The following SCMH1 variants were observed in gnomAD, a reference collection of about 807,000 sequenced individuals.
The protein encoded by SCMH1 is Scm polycomb group protein homolog 1.
In SCMH1, 37 loss-of-function variants were observed where a neutral mutation model predicts 70.8. That is an observed-to-expected ratio of 0.52 (90% CI 0.40 to 0.69). The LOEUF is 0.69. Ranked by LOEUF, SCMH1 falls within the 30% of genes least tolerant of loss-of-function variation. The pLI is 0.00. For synonymous variants in SCMH1, 292 were observed against 307.4 expected (o/e 0.95, Z 0.52); for missense variants, 607 against 827.3 (o/e 0.73, Z 3.27).
chr1:41,188,781 A>G (rs994508684), intron 1 of SCMH1, among the ~76,000 whole-genome samples: 28 of 492 alleles, frequency 0.057, no homozygotes, highest in Non-Finnish European at 0.12. Flanking sequence ...TATCACCTGT[A>G]TAGTAATAAG....
At chr1:41,156,997 C>T (rs1309704965) in intron 4 of SCMH1, among the ~76,000 whole-genome samples, 1 of 147,154 alleles carries the variant, frequency 6.8e-6, no homozygotes, top group Non-Finnish European at 1.5e-5. Context: ...CACTCAGATA[C>T]CCAGGATGGA....
chr1:41,145,035 GGTT>G (rs1185414126), intron 5 of SCMH1, among the ~76,000 whole-genome samples: 1 of 151,864 alleles, frequency 6.6e-6, no homozygotes, highest in East Asian at 1.9e-4. Flanking sequence ...CCATTGTGTG[GGTT>G]GTTCTTTTCA....
intron 13 of SCMH1, 127 bp from the exon 15 acceptor site, chr1:41,028,853 A>G (rs1272716848): frequency 4.0e-6 from 4 of 1,003,362 alleles, no homozygotes; most frequent in Non-Finnish European, 5.8e-6. Context: ...TGAGCTGAGG[A>G]ACTGGAGATA....
intron 10 of SCMH1, among the ~76,000 whole-genome samples, chr1:41,057,100 A>G (rs1380118331): frequency 6.6e-6 from 1 of 151,768 alleles, no homozygotes; most frequent in Non-Finnish European, 1.5e-5. Context: ...ATTCTATCCA[A>G]CCCAAAGAGG....
At chr1:41,106,502 T>C (rs1177020720) in intron 8 of SCMH1, among the ~76,000 whole-genome samples, 1 of 151,806 alleles carries the variant, frequency 6.6e-6, no homozygotes, top group Non-Finnish European at 1.5e-5. Context: ...TTTTTCTTTA[T>C]AAATTACCCA....
intron 8 of SCMH1, among the ~76,000 whole-genome samples, chr1:41,084,798 T>C (rs1192410233): frequency 6.7e-6 from 1 of 150,078 alleles, no homozygotes; most frequent in African/African-American, 2.5e-5. Context: ...TATGCAGCCA[T>C]AAAAAATGAT....
At chr1:41,187,755 G>A (rs191910793) in intron 1 of SCMH1, among the ~76,000 whole-genome samples, 1 of 151,334 alleles carries the variant, frequency 6.6e-6, no homozygotes, top group East Asian at 1.9e-4. Context: ...GGACAACACA[G>A]TGAGACCCCC....
intron 2 of SCMH1, among the ~76,000 whole-genome samples, chr1:41,177,597 A>G (rs1647334553): frequency 6.6e-6 from 1 of 152,272 alleles, no homozygotes; most frequent in South Asian, 2.1e-4. Context: ...CGAATGCACA[A>G]GCCTCAGTAG....
chr1:41,052,981 G>A (rs745941493), intron 10 of SCMH1, among the ~76,000 whole-genome samples: 8 of 150,330 alleles, frequency 5.3e-5, no homozygotes, highest in East Asian at 2.0e-4. Context: ...GCAGTGGTGC[G>A]GTCTTGGCTC....
At chr1:41,207,868 C>T (rs1291318021) in intron 1 of SCMH1, among the ~76,000 whole-genome samples, 11 of 150,736 alleles carry the variant, frequency 7.3e-5, no homozygotes, top group East Asian at 2.0e-4. Context: ...GTCAGTGTGG[C>T]GATTCCTCAG....
intron 1 of SCMH1, among the ~76,000 whole-genome samples, chr1:41,214,810 AT>A (rs1373676813): frequency 6.6e-6 from 1 of 152,134 alleles, no homozygotes; most frequent in African/African-American, 2.4e-5. Context: ...CTTTAGTTAT[AT>A]TATTTTTTGA....
Position 41,170,978 on chromosome 1 carries a change from CAGA to C in SCMH1, c.14-9549_14-9547del, listed in dbSNP as rs142203458. 4.7e-3 allele frequency among the ~76,000 whole-genome samples: 716 copies of C among 152,340 alleles called. 8 individuals carry two copies. Among genetic ancestry groups the C allele is most frequent in the African/African-American group, 0.016 (683 of 41,580 alleles). ...TATTAAAAACTTAACATGACTAAAA[CAGA>C]AGGCCATCCTCTGTCATCTTGTTAC... On this transcript the variant is annotated intron_variant, in intron 2 of 14. Transcript: ENST00000337495.
Position 41,127,406 on chromosome 1 carries a change from C to T in SCMH1, c.413-10396G>A, listed in dbSNP as rs555977694. Among the ~76,000 whole-genome samples the T allele has an allele frequency of 2.6e-5, 4 of 152,104 alleles. No homozygotes were observed. In the East Asian group the frequency reaches 7.7e-4, roughly 29 times the overall value. ...TTGAATCATATTTAAAAAGGCTTTC[C>T]CCACCCCAAGTTTATAAAGGAATTT... On this transcript the variant is annotated intron_variant, in intron 6 of 14. Coordinates refer to ENST00000337495, the Ensembl canonical transcript of SCMH1.
intron 6 of SCMH1, among the ~76,000 whole-genome samples, chr1:41,130,154 C>T (rs911365411): frequency 3.3e-5 from 5 of 152,082 alleles, no homozygotes; most frequent in Non-Finnish European, 7.4e-5. Flanking sequence ...TATTCAAGTC[C>T]TTTGCTAATT....
chr1:41,237,691 T>G (rs1662672415), intron 1 of SCMH1, among the ~76,000 whole-genome samples: 1 of 152,210 alleles, frequency 6.6e-6, no homozygotes, highest in South Asian at 2.1e-4. Flanking sequence ...CTATTTTATA[T>G]ATCTACCTAA....
chr1:41,053,612 CATT>C (rs1415791234), intron 10 of SCMH1, among the ~76,000 whole-genome samples: 3 of 152,206 alleles, frequency 2.0e-5, no homozygotes, highest in African/African-American at 2.4e-5. Flanking sequence ...GGCCTGCCCA[CATT>C]GTTGTTTTAA....
intron 13 of SCMH1, among the ~76,000 whole-genome samples, chr1:41,030,063 A>T (rs1026122007): frequency 1.3e-5 from 2 of 152,278 alleles, no homozygotes; most frequent in Admixed American, 6.5e-5. Context: ...AAAAATTTTT[A>T]AAAATTAGCT....
intron 8 of SCMH1, among the ~76,000 whole-genome samples, chr1:41,083,832 C>A (rs1307872991): frequency 2.6e-5 from 4 of 152,102 alleles, no homozygotes; most frequent in Non-Finnish European, 2.9e-5. Context: ...CATATCTACA[C>A]CTATCTGATC....
At chr1:41,175,918 TA>T (rs1172464549) in intron 2 of SCMH1, among the ~76,000 whole-genome samples, 1 of 152,030 alleles carries the variant, frequency 6.6e-6, no homozygotes, top group Non-Finnish European at 1.5e-5. Flanking sequence ...ATTTTATGTT[TA>T]AAAATTTTCA....
Sources: allele counts gnomAD v4.1 joint callset (sites outside exome capture counted in the v4.1 genomes callset), GRCh38; gene constraint gnomAD v4.1.1; transcripts MANE v1.5; gene names NCBI Gene and HGNC (gene_info 2026-07-23, HGNC 2026-07-21).